TBCK: variants seen among roughly 807,000 people sequenced by gnomAD.
TBCK encodes the protein TBC1 domain containing kinase, also known as TBC domain-containing protein kinase-like protein.
In TBCK, 99 loss-of-function variants were observed where a neutral mutation model predicts 113.4. The ratio of observed to expected loss-of-function variants is 0.87; its 90% CI spans 0.74 to 1.03. TBCK has a LOEUF of 1.03. Among genes scored for constraint, TBCK ranks in the 50% least tolerant of loss-of-function variants. The pLI is 0.00. For missense variants in TBCK, 1,045 were observed against 1,061.3 expected, an observed-to-expected ratio of 0.98 and a Z score of 0.21; for synonymous variants, 369 against 370.8, an observed-to-expected ratio of 1.00 and a Z score of 0.05.
intron 25 of TBCK, among the ~76,000 whole-genome samples, chr4:106,083,973 A>T (rs1378182811): frequency 6.6e-6 from 1 of 152,240 alleles, no homozygotes; most frequent in Non-Finnish European, 1.5e-5. Flanking sequence ...CAAACTCATG[A>T]AGATGGGAAA....
intron 22 of TBCK, among the ~76,000 whole-genome samples, chr4:106,175,147 GA>G (rs112637278): frequency 5.5e-5 from 8 of 146,234 alleles, no homozygotes; most frequent in African/African-American, 1.3e-4. Flanking sequence ...AAAAAAAAAA[GA>G]AAAAAAAATC....
intron 1 of TBCK, among the ~76,000 whole-genome samples, chr4:106,315,378 T>C (rs1208009720): frequency 6.6e-6 from 1 of 152,216 alleles, no homozygotes; most frequent in Admixed American, 6.5e-5. Context: ...GATTTTATCA[T>C]GAATAAAATT....
In TBCK at chr4:106,042,682, T is replaced by C. The variant is rs1733934747; in HGVS notation, c.*3888A>G. The stretch of plus-strand genomic sequence containing the variant: ...TTTGATACTAATTCCCAAAGGAATA[T>C]TTTTTGGTAACTATTTGGAGGAGGA... On this transcript the variant is annotated 3_prime_UTR_variant, in exon 26 of 26. Coordinates refer to ENST00000394708, the MANE Select transcript of TBCK (RefSeq NM_001163435.3). The C allele has an allele frequency of 1.3e-5, 2 of 152,260 alleles. No homozygotes were observed. The highest frequency in any genetic ancestry group is 4.1e-4 in the South Asian group (2 of 4,820). 9.4% of individuals were successfully genotyped at this position (152,260 alleles called of 1,614,324 possible).
At chr4:106,286,173 C>G (rs181875699) in intron 3 of TBCK, among the ~76,000 whole-genome samples, 1 of 152,140 alleles carries the variant, frequency 6.6e-6, no homozygotes, top group Admixed American at 6.5e-5. Context: ...TTAAATACAT[C>G]TCAATGGAAA....
chr4:106,292,527 G>A lies in TBCK; in HGVS notation c.266+2567C>T, dbSNP rs570119330. 4.8e-3 allele frequency among the ~76,000 whole-genome samples: 716 copies of A among 149,430 alleles called. 11 individuals are homozygous for A. Among genetic ancestry groups the A allele is most frequent in the African/African-American group, 0.017 (670 of 40,586 alleles). On this transcript the variant is annotated intron_variant, in intron 3 of 25. Transcript: ENST00000394708. The stretch of plus-strand genomic sequence containing the variant: ...GGAGCTTGCAGTGAGCCAAGATCAC[G>A]CCACTGCACTCCAGCCTGGGCGACA...
chr4:106,151,731 CTCTT>C (rs1369385764), intron 23 of TBCK, among the ~76,000 whole-genome samples: 1 of 151,910 alleles, frequency 6.6e-6, no homozygotes, highest in Non-Finnish European at 1.5e-5. Context: ...AACATGGAAT[CTCTT>C]TCCTTTTTTT....
rs185854287 is a variant in TBCK at position 106,184,021 on chromosome 4, A to G, written c.2059+9588T>C. ...GCCAAGAGCATTATAATTCTCCCTA[A>G]TAAGTGAAATATTTTTATGACAGCC... On this transcript the variant is annotated intron_variant, in intron 22 of 25. Transcript: ENST00000394708. 1.3e-3 allele frequency among the ~76,000 whole-genome samples: 204 copies of G among 152,150 alleles called. 1 individual carries two copies. The highest frequency in any genetic ancestry group is 4.6e-4 in the Non-Finnish European group (31 of 67,946).
chr4:106,311,528 T>C (rs1478681524), intron 1 of TBCK, among the ~76,000 whole-genome samples: 1 of 152,082 alleles, frequency 6.6e-6, no homozygotes, highest in Non-Finnish European at 1.5e-5. Flanking sequence ...TTATATCTAT[T>C]GTAAGAATAT....
chr4:106,167,130 A>G lies in TBCK; in HGVS notation c.2235+3965T>C, dbSNP rs200157992. On this transcript the variant is annotated intron_variant, in intron 23 of 25. Transcript: ENST00000394708. ...TTATATACACACTGTATATATATAT[A>G]TAGAGAGAGAGAGAGAGAACTATAT... 0.011 allele frequency among the ~76,000 whole-genome samples: 1,565 copies of G among 144,860 alleles called. 69 individuals are homozygous for G. The East Asian group carries it at 0.16, about 15-fold the overall frequency.
chr4:106,193,619 GGAGAA>G lies in TBCK; in HGVS notation c.2044_2048del (p.Phe682ArgfsTer6), dbSNP rs778000956. On this transcript the variant is annotated frameshift_variant, in exon 22 of 26. Transcript: ENST00000394708. LOFTEE classifies it high-confidence loss of function. ...TATTTAGATCTATACCTGGTAAATC[GGAGAA>G]GAGAAGAATACACTCATTAAAGCCA... The G allele has an allele frequency of 6.2e-7, 1 of 1,613,076 alleles. No homozygotes were observed. The highest frequency in any genetic ancestry group is 1.7e-5 in the Admixed American group (1 of 59,912).
At position 106,308,906 on chromosome 4, in the gene TBCK, G is replaced by A; in HGVS notation, c.55C>T (p.Leu19=). 6.2e-7 allele frequency: 1 copy of A among 1,614,168 alleles called. No individual in the cohort carries two copies. Among genetic ancestry groups the A allele is most frequent in the African/African-American group, 1.3e-5 (1 of 75,042 alleles). Residue 19 remains leucine (L), a synonymous_variant, in exon 2 of 26, where the codon CTG becomes TTG. Coordinates refer to ENST00000394708, the MANE Select transcript of TBCK (RefSeq NM_001163435.3). ...MGAFTFFASA[L]PHDVCGSNGL... ...TTGCTTCCACAAACATCATGTGGCA[G>A]AGCCGAGGCAAAGAAGGTAAAGGCT...
At chr4:106,051,598 C>A (rs1179262788) in intron 25 of TBCK, among the ~76,000 whole-genome samples, 3 of 140,960 alleles carry the variant, frequency 2.1e-5, no homozygotes, top group Non-Finnish European at 4.7e-5. Context: ...CTCCTCTTGA[C>A]CCTCTGGAAT....
intron 6 of TBCK, chr4:106,251,185 C>T (rs1297381024): frequency 1.1e-5 from 4 of 363,784 alleles, no homozygotes; most frequent in South Asian, 8.8e-5. Flanking sequence ...TGAAGTTTCA[C>T]TTTTCTCATC....
At chr4:106,048,744 T>C (rs1401427909) in intron 25 of TBCK, among the ~76,000 whole-genome samples, 1 of 152,054 alleles carries the variant, frequency 6.6e-6, no homozygotes, top group Non-Finnish European at 1.5e-5. Flanking sequence ...AATCAGAAAA[T>C]GAGTAACGAA....
intron 23 of TBCK, among the ~76,000 whole-genome samples, chr4:106,154,031 T>C (rs1748837920): frequency 6.6e-6 from 1 of 152,106 alleles, no homozygotes; most frequent in South Asian, 2.1e-4. Context: ...TTCTATATCT[T>C]TTCATTAAGG....
At chr4:106,121,060 A>C (rs1286766881) in intron 23 of TBCK, among the ~76,000 whole-genome samples, 1 of 152,134 alleles carries the variant, frequency 6.6e-6, no homozygotes, top group Non-Finnish European at 1.5e-5. Flanking sequence ...AGAAGTTGAA[A>C]ACTTTGAAAA....
At position 106,051,227 on chromosome 4, in the gene TBCK, A is replaced by G. The variant is rs77426952; in HGVS notation, c.2572-4547T>C. Reference sequence around the variant, plus strand: ...GGCCCTCTAGGACACAGGTTTGGGAATAACTCACAGTAGCAGCAGGAAACT... The same window carrying G: ...GGCCCTCTAGGACACAGGTTTGGGAGTAACTCACAGTAGCAGCAGGAAACT... On this transcript the variant is annotated intron_variant, in intron 25 of 25. Transcript: ENST00000394708. Among the ~76,000 whole-genome samples the G allele has an allele frequency of 2.0e-4, 31 of 152,026 alleles. No homozygotes were observed. In the East Asian group the frequency reaches 5.8e-3, roughly 29 times the overall value.
intron 25 of TBCK, among the ~76,000 whole-genome samples, chr4:106,084,394 A>G (rs1656972231): frequency 6.6e-6 from 1 of 152,206 alleles, no homozygotes; most frequent in Non-Finnish European, 1.5e-5. Context: ...GAGAAAAAAG[A>G]ATGAAAAGGA....
At chr4:106,285,999 T>C (rs1204001604) in intron 3 of TBCK, among the ~76,000 whole-genome samples, 2 of 152,202 alleles carry the variant, frequency 1.3e-5, no homozygotes, top group African/African-American at 4.8e-5. Context: ...AAAATTAATT[T>C]AGATGGATGG....
Sources: allele counts gnomAD v4.1 joint callset (sites outside exome capture counted in the v4.1 genomes callset), GRCh38; gene constraint gnomAD v4.1.1; transcripts MANE v1.5; gene names NCBI Gene and HGNC (gene_info 2026-07-23, HGNC 2026-07-21).